The following GRID1 variants were observed in gnomAD, a reference collection of about 807,000 sequenced individuals.
The protein encoded by GRID1 is glutamate receptor ionotropic, delta-1.
In GRID1, 28 loss-of-function variants were observed where a neutral mutation model predicts 98.0. That is an observed-to-expected ratio of 0.29 (90% CI 0.21 to 0.39). GRID1 has a LOEUF of 0.39. GRID1 is among the 10% of genes least tolerant of loss of function. GRID1 has a pLI of 1.00. For synonymous variants in GRID1, 553 were observed against 538.5 expected, an observed-to-expected ratio of 1.03 and a Z score of -0.37; for missense variants, 1,111 against 1,340.5, an observed-to-expected ratio of 0.83 and a Z score of 2.67.
chr10:86,002,108 T>A (rs1842809213), intron 4 of GRID1, among the ~76,000 whole-genome samples: 1 of 152,202 alleles, frequency 6.6e-6, no homozygotes, highest in South Asian at 2.1e-4. Flanking sequence ...AGGATCACCC[T>A]CATGAGCTCA....
chr10:86,219,278 A>G (rs959824026), intron 2 of GRID1, among the ~76,000 whole-genome samples: 46 of 152,178 alleles, frequency 3.0e-4, no homozygotes, highest in African/African-American at 9.4e-4. Context: ...TTGACCCAGA[A>G]CCCCCAATCC....
intron 5 of GRID1, among the ~76,000 whole-genome samples, chr10:85,871,489 T>C (rs1843277860): frequency 6.6e-6 from 1 of 152,252 alleles, no homozygotes; most frequent in Non-Finnish European, 1.5e-5. Flanking sequence ...TCTGGTTCAC[T>C]CTTTCTAAGA....
At chr10:85,710,234 T>G (rs1386528184) in intron 12 of GRID1, among the ~76,000 whole-genome samples, 2 of 152,074 alleles carry the variant, frequency 1.3e-5, no homozygotes, top group African/African-American at 4.8e-5. Context: ...TTCAAAGCTA[T>G]GATAATAAAA....
chr10:85,944,538 G>A (rs1041450736), intron 4 of GRID1, among the ~76,000 whole-genome samples: 6 of 152,118 alleles, frequency 3.9e-5, no homozygotes, highest in Non-Finnish European at 7.3e-5. Flanking sequence ...CCTAGAGTTC[G>A]ACTTTGAGAA....
chr10:85,755,105 C>G (rs1265323351), intron 8 of GRID1, among the ~76,000 whole-genome samples: 9 of 152,062 alleles, frequency 5.9e-5, no homozygotes, highest in Admixed American at 5.2e-4. Context: ...CCTTATGAAG[C>G]CTGTTTTGGC....
chr10:86,264,833 C>G (rs1341232244), intron 2 of GRID1: 1 of 458,540 alleles, frequency 2.2e-6, no homozygotes, highest in Non-Finnish European at 4.6e-6. Flanking sequence ...CCTGGTTGGC[C>G]CTGCAGACGA....
intron 12 of GRID1, among the ~76,000 whole-genome samples, chr10:85,721,472 A>G (rs146817164): frequency 6.4e-4 from 98 of 152,360 alleles, no homozygotes; most frequent in African/African-American, 2.2e-3. Context: ...GAATAGTTAG[A>G]CAAACTGTGG....
At chr10:86,156,176 A>T (rs560059169) in intron 3 of GRID1, among the ~76,000 whole-genome samples, 1 of 152,350 alleles carries the variant, frequency 6.6e-6, no homozygotes, top group South Asian at 2.1e-4. Context: ...GGGGCAGCAG[A>T]TGCATGCACA....
At chr10:86,350,398 T>G (rs1242147016) in intron 2 of GRID1, among the ~76,000 whole-genome samples, 1 of 152,142 alleles carries the variant, frequency 6.6e-6, no homozygotes, top group African/African-American at 2.4e-5. Context: ...CACGGGGAAG[T>G]GACCTCAAGT....
At chr10:86,117,459 T>A (rs1376975291) in intron 4 of GRID1, among the ~76,000 whole-genome samples, 1 of 143,638 alleles carries the variant, frequency 7.0e-6, no homozygotes, top group Non-Finnish European at 1.5e-5. Flanking sequence ...CCACCACCAT[T>A]CCCATCACCA....
intron 8 of GRID1, among the ~76,000 whole-genome samples, chr10:85,788,071 G>T (rs1348358235): frequency 6.7e-6 from 1 of 149,982 alleles, no homozygotes; most frequent in Admixed American, 6.6e-5. Flanking sequence ...AAAAAGAAAA[G>T]AAAAGAAAAA....
chr10:85,755,398 T>G (rs900995938), intron 8 of GRID1, among the ~76,000 whole-genome samples: 2 of 152,204 alleles, frequency 1.3e-5, no homozygotes, highest in Non-Finnish European at 2.9e-5. Context: ...CGTCCTTGGT[T>G]CTTCAGCGCC....
rs112227271 is a variant in GRID1, at chr10:86,092,211, C to T, written c.726+46608G>A. ...AGGGAAGGACCAGAGAAAGGTGAAG[C>T]CCAATGCAAGGAAATACAAAAGAAT... On this transcript the variant is annotated intron_variant, in intron 4 of 15. Coordinates refer to ENST00000327946, the MANE Select transcript of GRID1 (RefSeq NM_017551.3). 1.1e-3 allele frequency among the ~76,000 whole-genome samples: 168 copies of T among 152,138 alleles called. 1 individual carries two copies. Among genetic ancestry groups the T allele is most frequent in the Admixed American group, 4.5e-3 (69 of 15,290 alleles).
At chr10:86,287,747 A>C (rs2607849) in intron 2 of GRID1, among the ~76,000 whole-genome samples, 140,099 of 151,696 alleles carry the variant, frequency 0.92, 65,403 homozygotes, top group African/African-American at 0.96. Flanking sequence ...AAAAAGTTTC[A>C]CAGTTTAAAT....
At chr10:86,287,673 G>A (rs546903313) in intron 2 of GRID1, among the ~76,000 whole-genome samples, 8 of 152,196 alleles carry the variant, frequency 5.3e-5, no homozygotes, top group Admixed American at 2.6e-4. Flanking sequence ...AGGTGACCGC[G>A]TATCCTCGTT....
At chr10:85,985,752 G>T (rs1164190057) in intron 4 of GRID1, among the ~76,000 whole-genome samples, 1 of 152,296 alleles carries the variant, frequency 6.6e-6, no homozygotes, top group African/African-American at 2.4e-5. Flanking sequence ...ACACCTGGGG[G>T]TGGTGGGGGT....
At chr10:85,892,214 A>AC (rs1554838102) in intron 5 of GRID1, among the ~76,000 whole-genome samples, 5 of 146,646 alleles carry the variant, frequency 3.4e-5, no homozygotes, top group Non-Finnish European at 6.0e-5. Context: ...ATAAAAAAAA[A>AC]ACAAAAAAAA....
chr10:86,150,030 T>A (rs1042706803), intron 3 of GRID1, among the ~76,000 whole-genome samples: 3 of 152,248 alleles, frequency 2.0e-5, no homozygotes, highest in African/African-American at 7.2e-5. Flanking sequence ...GATTTTCCTG[T>A]CACCTTTCAC....
chr10:85,871,248 TTATAA>T (rs1448914322), intron 5 of GRID1, among the ~76,000 whole-genome samples: 1 of 152,206 alleles, frequency 6.6e-6, no homozygotes, highest in African/African-American at 2.4e-5. Context: ...AAAGCCTATT[TTATAA>T]TAAAGTGTTG....
Sources: allele counts gnomAD v4.1 joint callset (sites outside exome capture counted in the v4.1 genomes callset), GRCh38; gene constraint gnomAD v4.1.1; transcripts MANE v1.5; gene names NCBI Gene and HGNC (gene_info 2026-07-23, HGNC 2026-07-21).